Variants in RIC8B observed in about 807,000 individuals in gnomAD.
RIC8B encodes the protein RIC8 guanine nucleotide exchange factor B.
RIC8B carries 16 observed loss-of-function variants against 57.5 expected under a neutral mutation model. The ratio of observed to expected loss-of-function variants is 0.28; its 90% confidence interval spans 0.19 to 0.42. The LOEUF is 0.42. Among genes scored for constraint, RIC8B ranks in the 10% least tolerant of loss-of-function variants. The pLI, the probability that RIC8B is intolerant of heterozygous loss-of-function variation, is 1.00. For missense variants in RIC8B, 481 were observed against 677.0 expected, an observed-to-expected ratio of 0.71 and a Z score of 3.21; for synonymous variants, 216 against 250.8, an observed-to-expected ratio of 0.86 and a Z score of 1.31.
chr12:106,775,681 T>A (rs1454045265), intron 1 of RIC8B, among the ~76,000 whole-genome samples: 1 of 152,236 alleles, frequency 6.6e-6, no homozygotes, highest in Admixed American at 6.5e-5. Flanking sequence ...TCTCAGAACC[T>A]CTTTCCAAGA....
chr12:106,874,375 T>C, intron 9 of RIC8B: 1 of 835,150 alleles, frequency 1.2e-6, no homozygotes, highest in Non-Finnish European at 2.0e-6. Flanking sequence ...AAAAATGAAA[T>C]GGTTTTCTCC....
At chr12:106,854,469 T>C (rs1425307556) in intron 7 of RIC8B, among the ~76,000 whole-genome samples, 1 of 151,892 alleles carries the variant, frequency 6.6e-6, no homozygotes, top group East Asian at 1.9e-4. Context: ...TAAGCAGCAG[T>C]TATAATGGGT....
chr12:106,787,262 C>G (rs962830925), intron 2 of RIC8B, among the ~76,000 whole-genome samples: 4 of 152,130 alleles, frequency 2.6e-5, no homozygotes, highest in African/African-American at 4.8e-5. Flanking sequence ...GGGAAAACAT[C>G]AACAAACAAA....
At chr12:106,839,133 T>C (rs577757960) in intron 4 of RIC8B, among the ~76,000 whole-genome samples, 1 of 151,888 alleles carries the variant, frequency 6.6e-6, no homozygotes, top group African/African-American at 2.4e-5. Context: ...AGATGAAAAA[T>C]AGAATTATTT....
At chr12:106,854,146 C>T (rs191945226) in intron 7 of RIC8B, among the ~76,000 whole-genome samples, 6 of 152,160 alleles carry the variant, frequency 3.9e-5, no homozygotes, top group Admixed American at 1.3e-4. Context: ...GAACATGTGG[C>T]CAGGGTTAGC....
At chr12:106,823,339 TA>T (rs1593212283) in intron 3 of RIC8B, 1 of 414,624 alleles carries the variant, frequency 2.4e-6, no homozygotes, top group East Asian at 7.2e-5. Context: ...GGGATTTTGG[TA>T]GTTGTTTTGA....
In RIC8B at chr12:106,885,887, T is replaced by C. The variant is rs760152975; in HGVS notation, c.1572-17T>C. 2 of 1,542,744 alleles carry C rather than the reference T, an allele frequency of 1.3e-6. No individual in the cohort carries two copies. The highest frequency in any genetic ancestry group is 3.3e-5 in the Admixed American group (2 of 59,874). ...GGTGAATACTTTTTTTTCTCTCTCT[T>C]TTATCTCTTTTTCTAGAGAGGAGTT... On this transcript the variant is annotated splice_polypyrimidine_tract_variant and intron_variant, in intron 9 of 9. Transcript: ENST00000392837.
At position 106,783,886 on chromosome 12, in the gene RIC8B, C is replaced by T. The variant is rs139783833; in HGVS notation, c.85-111C>T. On this transcript the variant is annotated intron_variant, in intron 1 of 9. Transcript: ENST00000392837. ...TTACTTTAATAAGAATATTGAGATA[C>T]GGGAAGGCAACATTTTTTACAGGGA... 1,384 of 884,762 alleles carry T rather than the reference C, an allele frequency of 1.6e-3. 10 individuals are homozygous for T. In the African/African-American group the frequency reaches 0.02, roughly 12 times the overall value. The allele number at this position is 884,762 out of a possible 1,614,324, so 54.8% of individuals were successfully genotyped here.
chr12:106,776,812 C>A (rs980143598), intron 1 of RIC8B, among the ~76,000 whole-genome samples: 3 of 152,198 alleles, frequency 2.0e-5, no homozygotes, highest in Non-Finnish European at 4.4e-5. Flanking sequence ...ATTTTGGGAT[C>A]AAGCCTGAGA....
intron 8 of RIC8B, chr12:106,868,210 GATTTC>G (rs1950221032): frequency 1.3e-5 from 6 of 446,558 alleles, no homozygotes; most frequent in Non-Finnish European, 2.7e-5. Context: ...GTGTCCTCCT[GATTTC>G]ATTTTTTTCC....
At chr12:106,813,554 G>A (rs535821898) in intron 2 of RIC8B, among the ~76,000 whole-genome samples, 4 of 152,142 alleles carry the variant, frequency 2.6e-5, no homozygotes, top group Admixed American at 2.6e-4. Context: ...GAGGGTTCTG[G>A]AATCAATCCC....
chr12:106,805,594 A>G (rs573648771), intron 2 of RIC8B, among the ~76,000 whole-genome samples: 16 of 152,330 alleles, frequency 1.1e-4, no homozygotes, highest in Non-Finnish European at 1.8e-4. Context: ...TACTGCAACA[A>G]CCACTTAACT....
chr12:106,882,944 CTAA>C (rs1275845280), intron 9 of RIC8B, among the ~76,000 whole-genome samples: 2 of 152,170 alleles, frequency 1.3e-5, no homozygotes, highest in Non-Finnish European at 2.9e-5. Flanking sequence ...GGCCATAAAA[CTAA>C]TATTTTTAAT....
chr12:106,881,398 A>G (rs1950926705), intron 9 of RIC8B, among the ~76,000 whole-genome samples: 1 of 150,800 alleles, frequency 6.6e-6, no homozygotes, highest in African/African-American at 2.4e-5. Flanking sequence ...CCTGCACACA[A>G]CTAACTCTTG....
chr12:106,860,488 C>T (rs1949884776), intron 8 of RIC8B, 76 bp downstream of exon 8: 4 of 1,142,440 alleles, frequency 3.5e-6, no homozygotes, highest in Non-Finnish European at 3.5e-6. Context: ...TTTCATTTTC[C>T]AAGTGTTTCT....
At chr12:106,817,227 C>A (rs569043416) in intron 3 of RIC8B, among the ~76,000 whole-genome samples, 1 of 152,272 alleles carries the variant, frequency 6.6e-6, no homozygotes, top group Non-Finnish European at 1.5e-5. Flanking sequence ...TAGGCATTGT[C>A]TTTGCCTTCA....
intron 2 of RIC8B, among the ~76,000 whole-genome samples, chr12:106,799,869 T>G (rs1192816373): frequency 1.3e-5 from 2 of 152,164 alleles, no homozygotes; most frequent in East Asian, 3.9e-4. Flanking sequence ...CTTAGTCTGC[T>G]TGAGCTGTCA....
Position 106,774,814 on chromosome 12 carries a change from G to T in RIC8B, c.69G>T (p.Arg23Ser). 3 of 1,553,564 alleles carry T rather than the reference G, an allele frequency of 1.9e-6. No individual in the cohort carries two copies. The highest frequency in any genetic ancestry group is 2.6e-6 in the Non-Finnish European group (3 of 1,147,894). The change falls in exon 1 of 10, where the codon AGG becomes AGT. Residue 23 changes from arginine to serine, a missense_variant. Physicochemically the swap from Arg to Ser is moderately radical, Grantham distance 110 (BLOSUM62 -1). Coordinates refer to ENST00000392837, the MANE Select transcript of RIC8B (RefSeq NM_001330145.2). ...GEAGAIERVLRDYSDKHRATF... is the reference protein window; with the variant it reads ...GEAGAIERVLSDYSDKHRATF... Reference sequence around the variant, plus strand: ...CAGGGGCTATCGAGCGGGTCCTGAGGGATTACAGCGACAAGGTAAAGAGTC... The same window carrying T: ...CAGGGGCTATCGAGCGGGTCCTGAGTGATTACAGCGACAAGGTAAAGAGTC...
rs1593276963 is a variant in RIC8B, at chr12:106,842,485, TTTAA to T, written c.837-101_837-98del. 3.5e-6 allele frequency: 3 copies of T among 868,380 alleles called. No homozygotes were observed. In the East Asian group the frequency reaches 7.9e-5, roughly 23 times the overall value. The allele number at this position is 868,380 out of a possible 1,614,324, so 53.8% of individuals were successfully genotyped here. A position where few individuals can be genotyped will look rare whatever the true frequency, so the allele number is the denominator to read the frequency against. ...TGGCTCATTTTTGGAAAAGAAATAT[TTTAA>T]TTGACTCTTAAAAGTCACTTTTGAA... On this transcript the variant is annotated intron_variant, in intron 4 of 9. Coordinates refer to ENST00000392837, the MANE Select transcript of RIC8B (RefSeq NM_001330145.2).
Sources: gnomAD v4.1 joint callset for allele counts (sites outside exome capture counted in the v4.1 genomes callset) on GRCh38, gnomAD v4.1.1 for gene constraint, MANE v1.5 for transcripts, NCBI Gene and HGNC (gene_info 2026-07-23, HGNC 2026-07-21) for gene names.